RGS5: variants seen among roughly 807,000 people sequenced by gnomAD.
The protein encoded by RGS5 is regulator of G protein signaling 5, also known as regulator of G-protein signalling 5.
RGS5 carries 20 observed loss-of-function variants against 18.9 expected under a neutral mutation model. The ratio of observed to expected loss-of-function variants is 1.06; its 90% CI spans 0.74 to 1.54. The LOEUF (loss-of-function observed/expected upper bound fraction) is 1.54, where lower values mean the gene tolerates loss of function less well. RGS5 is among the 40% of genes most tolerant of loss of function. The pLI, the probability that RGS5 is intolerant of heterozygous loss-of-function variation, is 0.00. For synonymous variants in RGS5, 57 were observed against 76.2 expected, an observed-to-expected ratio of 0.75 and a Z score of 1.31; for missense variants, 201 against 211.8, an observed-to-expected ratio of 0.95 and a Z score of 0.32.
rs1649229964 is a variant in RGS5 at position 163,289,621 on chromosome 1, A to G, written c.-281+16612T>C. On this transcript the variant is annotated intron_variant, in intron 2 of 5. Coordinates refer to the RGS5 transcript ENST00000618415. The stretch of plus-strand genomic sequence containing the variant: ...AACTAATCTGACTTTGAAAAAGTCA[A>G]TCTTTCTGAATCTTATATTTTATAG... 2.6e-5 allele frequency among the ~76,000 whole-genome samples: 4 copies of G among 152,168 alleles called. No homozygotes were observed. The South Asian group carries it at 8.3e-4, about 31-fold the overall frequency.
chr1:163,284,894 G>T (rs1341413290), intron 2 of RGS5, among the ~76,000 whole-genome samples: 1 of 151,840 alleles, frequency 6.6e-6, no homozygotes, highest in Non-Finnish European at 1.5e-5. Context: ...TTATGCTGCT[G>T]ATAAAGACAT....
intron 1 of RGS5, among the ~76,000 whole-genome samples, chr1:163,173,284 A>G (rs76964468): frequency 0.011 from 1,606 of 152,336 alleles, 30 homozygotes; most frequent in African/African-American, 0.036. Context: ...TTGAAATAAA[A>G]TCAATTGAAA....
chr1:163,278,596 T>A (rs1648916647), intron 2 of RGS5, among the ~76,000 whole-genome samples: 1 of 152,058 alleles, frequency 6.6e-6, no homozygotes, highest in South Asian at 2.1e-4. Context: ...ATGTTATCAC[T>A]ACCAAATCAC....
intron 1 of RGS5, among the ~76,000 whole-genome samples, chr1:163,195,882 G>A (rs1292479964): frequency 2.0e-5 from 3 of 151,996 alleles, no homozygotes. Context: ...ATTTCTTTTA[G>A]CACTTCTGAG....
At chr1:163,243,643 C>CA (rs3069033) in intron 2 of RGS5, among the ~76,000 whole-genome samples, 17,984 of 54,844 alleles carry the variant, frequency 0.33, 3,944 homozygotes, top group African/African-American at 0.47. Context: ...GACTCCGTCT[C>CA]AAAAAAAAAA....
intron 1 of RGS5, among the ~76,000 whole-genome samples, chr1:163,175,609 G>T (rs1433367078): frequency 1.3e-5 from 2 of 152,186 alleles, no homozygotes; most frequent in African/African-American, 4.8e-5. Context: ...GTGGTGGAAA[G>T]AATCTATCAT....
intron 2 of RGS5, among the ~76,000 whole-genome samples, chr1:163,251,587 ATC>A (rs965923279): frequency 1.3e-5 from 2 of 152,076 alleles, no homozygotes; most frequent in African/African-American, 2.4e-5. Flanking sequence ...ATCTCATTCA[ATC>A]TTATGGCTTT....
At chr1:163,192,616 A>G (rs916441997) in intron 1 of RGS5, among the ~76,000 whole-genome samples, 3 of 152,222 alleles carry the variant, frequency 2.0e-5, no homozygotes, top group Admixed American at 6.5e-5. Flanking sequence ...CAAACAATCC[A>G]TCTTTTATCC....
At chr1:163,259,331 T>A (rs528392850) in intron 2 of RGS5, among the ~76,000 whole-genome samples, 39 of 149,696 alleles carry the variant, frequency 2.6e-4, no homozygotes, top group South Asian at 8.5e-4. Flanking sequence ...TTTTTTTTTT[T>A]ATCTTTTTTT....
At chr1:163,305,993 AT>A (rs113200545) in intron 2 of RGS5, among the ~76,000 whole-genome samples, 13,513 of 151,926 alleles carry the variant, frequency 0.089, 672 homozygotes, top group African/African-American at 0.13. Context: ...ACTGTTTCTT[AT>A]TTTTTTTAAT....
chr1:163,291,293 A>G (rs1209099321), intron 2 of RGS5, among the ~76,000 whole-genome samples: 1 of 152,134 alleles, frequency 6.6e-6, no homozygotes, highest in Non-Finnish European at 1.5e-5. Context: ...GGGGGTATCT[A>G]TCTAGCCAAC....
intron 2 of RGS5, among the ~76,000 whole-genome samples, chr1:163,258,507 T>C (rs1648337543): frequency 6.6e-6 from 1 of 152,128 alleles, no homozygotes; most frequent in Non-Finnish European, 1.5e-5. Context: ...TAAAAAAAAA[T>C]CTGCTAAAAA....
chr1:163,239,488 A>T (rs1647727564), intron 2 of RGS5, among the ~76,000 whole-genome samples: 1 of 88,978 alleles, frequency 1.1e-5, no homozygotes. Flanking sequence ...TCCGTCTCTT[A>T]AAAAAAAAAA....
chr1:163,203,081 AT>A, upstream of RGS5: 1 of 474,830 alleles, frequency 2.1e-6, no homozygotes, highest in African/African-American at 2.0e-5. Flanking sequence ...CTACTGTGGC[AT>A]AAGGCTTTCA....
chr1:163,196,424 G>C (rs1051955293), intron 1 of RGS5, among the ~76,000 whole-genome samples: 14 of 152,150 alleles, frequency 9.2e-5, no homozygotes, highest in Non-Finnish European at 1.9e-4. Flanking sequence ...GTCCTTGCTA[G>C]AGAAGGAGAA....
At chr1:163,243,247 C>T (rs1185709751) in intron 2 of RGS5, among the ~76,000 whole-genome samples, 1 of 152,066 alleles carries the variant, frequency 6.6e-6, no homozygotes, top group African/African-American at 2.4e-5. Context: ...ACAGTGAGAA[C>T]ACACGGACAC....
intron 2 of RGS5, among the ~76,000 whole-genome samples, chr1:163,290,049 C>A (rs931457700): frequency 6.6e-6 from 1 of 150,930 alleles, no homozygotes; most frequent in Non-Finnish European, 1.5e-5. Context: ...CAACATGAGA[C>A]CCCTATCTTT....
At chr1:163,270,352 G>GAAAAA (rs59181379) in intron 2 of RGS5, among the ~76,000 whole-genome samples, 13 of 94,696 alleles carry the variant, frequency 1.4e-4, no homozygotes, top group Non-Finnish European at 1.6e-4. Flanking sequence ...TCTCTATTGA[G>GAAAAA]AAAAAAAAAA....
chr1:163,152,758 T>A, intron 3 of RGS5, 42 bp from the exon 4 acceptor site: 1 of 1,516,064 alleles, frequency 6.6e-7, no homozygotes, highest in Non-Finnish European at 8.9e-7. Flanking sequence ...TTTATTAATT[T>A]ACTTAACAAA....
Sources: gnomAD v4.1 joint callset for allele counts (sites outside exome capture counted in the v4.1 genomes callset) on GRCh38, gnomAD v4.1.1 for gene constraint, MANE v1.5 for transcripts, NCBI Gene and HGNC (gene_info 2026-07-23, HGNC 2026-07-21) for gene names.